Variants in GUCY1A2 observed in about 807,000 individuals in gnomAD.
The protein encoded by GUCY1A2 is guanylate cyclase 1 soluble subunit alpha 2, also known as guanylate cyclase soluble subunit alpha-2.
GUCY1A2 carries 27 observed loss-of-function variants against 63.5 expected under a neutral mutation model. That is an observed-to-expected ratio of 0.43 (90% CI 0.31 to 0.59). GUCY1A2 has a LOEUF of 0.59. Ranked by LOEUF, GUCY1A2 falls within the 20% of genes least tolerant of loss-of-function variation. The pLI, the probability that GUCY1A2 is intolerant of heterozygous loss-of-function variation, is 0.11. For synonymous variants in GUCY1A2, 364 were observed against 343.5 expected (o/e 1.06, Z -0.66); for missense variants, 768 against 913.3 (o/e 0.84, Z 2.05).
intron 6 of GUCY1A2, among the ~76,000 whole-genome samples, chr11:106,740,818 C>T (rs143063298): frequency 6.8e-4 from 104 of 152,110 alleles, no homozygotes; most frequent in African/African-American, 2.3e-3. Flanking sequence ...GGATTACAGG[C>T]ATGTGCCACC....
chr11:106,883,013 A>G (rs758222967), intron 4 of GUCY1A2, among the ~76,000 whole-genome samples: 1 of 152,066 alleles, frequency 6.6e-6, no homozygotes, highest in Non-Finnish European at 1.5e-5. Context: ...CAATATCTCT[A>G]TGTCATCTTC....
At chr11:106,840,422 T>G (rs1859180761) in intron 4 of GUCY1A2, among the ~76,000 whole-genome samples, 1 of 151,996 alleles carries the variant, frequency 6.6e-6, no homozygotes, top group Admixed American at 6.6e-5. Flanking sequence ...AGAGGGACTC[T>G]GCATGTCCTT....
intron 4 of GUCY1A2, among the ~76,000 whole-genome samples, chr11:106,820,721 A>C (rs2135430109): frequency 6.6e-6 from 1 of 152,278 alleles, no homozygotes; most frequent in Middle Eastern, 3.4e-3. Flanking sequence ...CTAAATATGC[A>C]GGAACTAAAG....
intron 5 of GUCY1A2, among the ~76,000 whole-genome samples, chr11:106,783,970 A>T (rs1451260560): frequency 1.3e-5 from 2 of 152,140 alleles, no homozygotes; most frequent in African/African-American, 4.8e-5. Context: ...CTGTGCAGGT[A>T]CTGTCTCCAG....
At chr11:106,817,718 C>A (rs1591289085) in intron 4 of GUCY1A2, among the ~76,000 whole-genome samples, 1 of 151,956 alleles carries the variant, frequency 6.6e-6, no homozygotes, top group African/African-American at 2.4e-5. Flanking sequence ...AGAAGACATA[C>A]AAATAGCCAA....
rs530205476 is a variant in GUCY1A2 at position 106,975,672 on chromosome 11, T to C, written c.487+2947A>G. Among the ~76,000 whole-genome samples the C allele has an allele frequency of 6.6e-5, 10 of 152,154 alleles. No homozygotes were observed. The East Asian group carries it at 1.2e-3, about 18-fold the overall frequency. On this transcript the variant is annotated intron_variant, in intron 3 of 7. Coordinates refer to ENST00000526355, the MANE Select transcript of GUCY1A2 (RefSeq NM_000855.3). ...AATTTGTAAATGATGAGACAGAAAA[T>C]AGAAACAACCAGTTTCTAAACCAAC...
intron 3 of GUCY1A2, among the ~76,000 whole-genome samples, chr11:106,956,859 G>C (rs1423269676): frequency 6.6e-6 from 1 of 152,168 alleles, no homozygotes; most frequent in African/African-American, 2.4e-5. Context: ...TGAGCTGCCT[G>C]GATTTCTCAG....
At chr11:107,003,850 T>C (rs369888943) in intron 1 of GUCY1A2, among the ~76,000 whole-genome samples, 4 of 152,010 alleles carry the variant, frequency 2.6e-5, no homozygotes, top group East Asian at 1.9e-4. Context: ...TATTAGGGAG[T>C]GTTCTTGGGA....
At chr11:106,980,787 A>G (rs1216471198) in intron 2 of GUCY1A2, among the ~76,000 whole-genome samples, 1 of 152,194 alleles carries the variant, frequency 6.6e-6, no homozygotes. Flanking sequence ...ACTCCAATAA[A>G]CCAGTTAGGC....
chr11:106,693,987 T>C (rs1046472721), intron 7 of GUCY1A2, among the ~76,000 whole-genome samples: 1 of 152,188 alleles, frequency 6.6e-6, no homozygotes, highest in Non-Finnish European at 1.5e-5. Flanking sequence ...TGTAAATATC[T>C]TTCTATTTAA....
intron 1 of GUCY1A2, among the ~76,000 whole-genome samples, chr11:107,006,032 G>C (rs919672571): frequency 6.6e-6 from 1 of 152,130 alleles, no homozygotes; most frequent in Non-Finnish European, 1.5e-5. Context: ...TACTGTGCTA[G>C]GCATTACTAT....
Position 106,776,463 on chromosome 11 carries a change from C to G in GUCY1A2, c.1812G>C (p.Leu604=), listed in dbSNP as rs1224393618. Residue 604 remains leucine, a synonymous_variant, in exon 6 of 8, where the codon CTG becomes CTC. Coordinates refer to ENST00000526355, the MANE Select transcript of GUCY1A2 (RefSeq NM_000855.3). ...CCTGAATCGGTCTTCCATCAGGTGT[C>G]AGCACCTCTTCTGAAAGTTCCATCA... ...LKMMELSEEV[L]TPDGRPIQMR... is the part of the protein sequence containing the mutation. The G allele has an allele frequency of 3.1e-6, 5 of 1,613,676 alleles. No individual in the cohort carries two copies. The highest frequency in any genetic ancestry group is 2.7e-5 in the African/African-American group (2 of 74,902).
chr11:106,757,415 T>A (rs528403388), intron 6 of GUCY1A2, among the ~76,000 whole-genome samples: 6 of 152,182 alleles, frequency 3.9e-5, no homozygotes, highest in Non-Finnish European at 5.9e-5. Context: ...TTTGATCCTC[T>A]GGAGGAGAAA....
chr11:106,710,703 C>T (rs554994146), intron 6 of GUCY1A2, among the ~76,000 whole-genome samples: 1 of 151,794 alleles, frequency 6.6e-6, no homozygotes, highest in Non-Finnish European at 1.5e-5. Context: ...TAATTAAACA[C>T]GATAACAGTA....
intron 6 of GUCY1A2, among the ~76,000 whole-genome samples, chr11:106,721,175 C>T (rs544900886): frequency 8.6e-5 from 13 of 151,762 alleles, no homozygotes; most frequent in African/African-American, 3.1e-4. Flanking sequence ...TCTCCTGCCT[C>T]AATCTACCGA....
rs528938157 is a variant in GUCY1A2 at position 106,679,980 on chromosome 11, CT to C, written c.*7568del. ...TTCTCTTTTTTTGTCTTTCTCTTTT[CT>C]TTTTAAAAATGAGTGACCAGTAGTC... On this transcript the variant is annotated 3_prime_UTR_variant, in exon 8 of 8. Transcript: ENST00000526355. 46 of 217,716 alleles carry C rather than the reference CT, an allele frequency of 2.1e-4. No homozygotes were observed. Among genetic ancestry groups the C allele is most frequent in the African/African-American group, 9.9e-4 (44 of 44,572 alleles). The allele number at this position is 217,716 out of a possible 1,614,324, so 13.5% of individuals were successfully genotyped here.
At position 106,813,265 on chromosome 11, in the gene GUCY1A2, G is replaced by A. The variant is rs1226600841; in HGVS notation, c.1207-2787C>T. The stretch of plus-strand genomic sequence containing the variant: ...CAGAAATTGGCAAGCATAACAAAGG[G>A]GAGTATTTTGCTCTGAGCTATAGTA... On this transcript the variant is annotated intron_variant, in intron 4 of 7. Coordinates refer to ENST00000526355, the MANE Select transcript of GUCY1A2 (RefSeq NM_000855.3). 2.6e-5 allele frequency among the ~76,000 whole-genome samples: 4 copies of A among 151,814 alleles called. No individual in the cohort carries two copies. The East Asian group carries it at 7.8e-4, about 29-fold the overall frequency.
At chr11:106,904,338 G>C (rs1289900357) in intron 4 of GUCY1A2, among the ~76,000 whole-genome samples, 1 of 152,028 alleles carries the variant, frequency 6.6e-6, no homozygotes, top group African/African-American at 2.4e-5. Flanking sequence ...TACATACAAT[G>C]ACAATGGAAT....
chr11:107,011,239 T>C (rs565539580), intron 1 of GUCY1A2, among the ~76,000 whole-genome samples: 1 of 152,232 alleles, frequency 6.6e-6, no homozygotes, highest in African/African-American at 2.4e-5. Context: ...AAAAGAAAAT[T>C]ATACCTTCCT....
Sources: gnomAD v4.1 joint callset for allele counts (sites outside exome capture counted in the v4.1 genomes callset) on GRCh38, gnomAD v4.1.1 for gene constraint, MANE v1.5 for transcripts, NCBI Gene and HGNC (gene_info 2026-07-23, HGNC 2026-07-21) for gene names.